Variants in MTMR7 observed in about 807,000 individuals in gnomAD.
The protein encoded by MTMR7 is myotubularin related protein 7, also known as phosphatidylinositol-3-phosphate phosphatase MTMR7.
MTMR7 carries 76 observed loss-of-function variants against 81.2 expected under a neutral mutation model. That is an observed-to-expected ratio of 0.94 (90% CI 0.78 to 1.13). The LOEUF (loss-of-function observed/expected upper bound fraction) is 1.13, where lower values mean the gene tolerates loss of function less well. MTMR7 is among the 50% of genes most tolerant of loss of function. The probability of loss-of-function intolerance (pLI) is 0.00; values close to 1 mark genes in which losing one functional copy is unlikely to be tolerated. For synonymous variants in MTMR7, 372 were observed against 289.8 expected (o/e 1.28, Z -2.88); for missense variants, 1,044 against 820.0 (o/e 1.27, Z -3.34).
In MTMR7 at chr8:17,298,901, A is replaced by C. The variant is rs188274439; in HGVS notation, c.*961T>G. The C allele has an allele frequency of 6.6e-6, 1 of 152,354 alleles. No homozygotes were observed. Among genetic ancestry groups the C allele is most frequent in the Admixed American group, 6.5e-5 (1 of 15,304 alleles). 9.4% of individuals were successfully genotyped at this position (152,354 alleles called of 1,614,324 possible). ...ATTAAACCATATTAGCCAGTTACATAATTTCTAAAATGATAGATTACAAAA... is the reference window on the plus strand; with the variant it reads ...ATTAAACCATATTAGCCAGTTACATCATTTCTAAAATGATAGATTACAAAA... On this transcript the variant is annotated 3_prime_UTR_variant, in exon 14 of 14. Coordinates refer to ENST00000180173, the MANE Select transcript of MTMR7 (RefSeq NM_004686.5).
At chr8:17,308,175 C>A (rs542848183) in intron 10 of MTMR7, among the ~76,000 whole-genome samples, 163 of 145,478 alleles carry the variant, frequency 1.1e-3, no homozygotes, top group Middle Eastern at 3.4e-3. Flanking sequence ...TACTGCAAAT[C>A]AAAAAAAAAA....
chr8:17,372,084 G>C (rs964287570), intron 2 of MTMR7, among the ~76,000 whole-genome samples: 2 of 151,932 alleles, frequency 1.3e-5, no homozygotes, highest in African/African-American at 2.4e-5. Context: ...CTAAAGAGGA[G>C]ATTAACTTTA....
chr8:17,302,036 T>C (rs1817150973), intron 13 of MTMR7, 118 bp downstream of exon 13: 10 of 1,358,252 alleles, frequency 7.4e-6, no homozygotes, highest in South Asian at 6.5e-5. Context: ...TTTCAGGTGT[T>C]CTACTGACTA....
chr8:17,387,555 A>C (rs922557379), intron 1 of MTMR7, among the ~76,000 whole-genome samples: 6 of 152,244 alleles, frequency 3.9e-5, no homozygotes, highest in Non-Finnish European at 8.8e-5. Flanking sequence ...TTGTAATTCT[A>C]AGCATGTCAG....
intron 7 of MTMR7, among the ~76,000 whole-genome samples, chr8:17,313,717 A>C (rs538695551): frequency 7.4e-4 from 112 of 152,330 alleles, no homozygotes; most frequent in African/African-American, 2.6e-3. Context: ...TTGCCTTTCC[A>C]GCAAAGTAAT....
At chr8:17,398,924 T>C (rs1009880355) in intron 1 of MTMR7, among the ~76,000 whole-genome samples, 1 of 152,146 alleles carries the variant, frequency 6.6e-6, no homozygotes, top group African/African-American at 2.4e-5. Flanking sequence ...TAATGGATGA[T>C]AGTATTTGCA....
intron 4 of MTMR7, among the ~76,000 whole-genome samples, chr8:17,351,166 G>T (rs1456684726): frequency 6.6e-6 from 1 of 152,182 alleles, no homozygotes; most frequent in Non-Finnish European, 1.5e-5. Context: ...GAAATGAGTA[G>T]GTTTTCAGCA....
chr8:17,342,417 G>C (rs1422804083), intron 5 of MTMR7, among the ~76,000 whole-genome samples: 1 of 152,194 alleles, frequency 6.6e-6, no homozygotes, highest in Admixed American at 6.5e-5. Flanking sequence ...ATATGGAGGG[G>C]AAAGTTTCAC....
At chr8:17,349,509 A>T (rs11203845) in intron 4 of MTMR7, 1 of 167,234 alleles carries the variant, frequency 6.0e-6, no homozygotes, top group East Asian at 1.5e-4. Flanking sequence ...CAGCAGGTTA[A>T]CTCTGTGGCT....
rs755341632 is a variant in MTMR7 at position 17,385,529 on chromosome 8, G to A, written c.25-12289C>T. Among the ~76,000 whole-genome samples the A allele has an allele frequency of 7.2e-5, 11 of 152,226 alleles. 1 individual carries two copies. The highest frequency in any genetic ancestry group is 3.9e-4 in the East Asian group (2 of 5,174). On this transcript the variant is annotated intron_variant, in intron 1 of 13. Coordinates refer to ENST00000180173, the MANE Select transcript of MTMR7 (RefSeq NM_004686.5). ...TAAGAAGTCTCTTTGCTCTGCCTTCGTCTTCCGCCACGATTGTGAGGCCTT... is the reference window on the plus strand; with the variant it reads ...TAAGAAGTCTCTTTGCTCTGCCTTCATCTTCCGCCACGATTGTGAGGCCTT...
intron 5 of MTMR7, among the ~76,000 whole-genome samples, chr8:17,348,546 T>C (rs1253577688): frequency 2.2e-5 from 1 of 46,360 alleles, no homozygotes; most frequent in Admixed American, 2.2e-4. Context: ...TGAGACTCTG[T>C]CTCAAAAAAA....
chr8:17,336,513 T>C (rs984433077), intron 6 of MTMR7, among the ~76,000 whole-genome samples: 13 of 151,956 alleles, frequency 8.6e-5, no homozygotes, highest in Non-Finnish European at 1.8e-4. Flanking sequence ...ACCACTGACT[T>C]TCCTAGGTGA....
chr8:17,319,466 C>T (rs988768725), intron 7 of MTMR7, among the ~76,000 whole-genome samples: 1 of 152,202 alleles, frequency 6.6e-6, no homozygotes, highest in Non-Finnish European at 1.5e-5. Context: ...AAGTGATCAA[C>T]AGCAGAAAGA....
chr8:17,302,107 C>T (rs1202707609), intron 13 of MTMR7, 47 bp downstream of exon 13: 1 of 1,612,662 alleles, frequency 6.2e-7, no homozygotes, highest in East Asian at 2.2e-5. Context: ...CCTTGCTCTT[C>T]AAGAAATAAG....
Position 17,408,395 on chromosome 8 carries a change from CAAAAAAAAA to C in MTMR7, c.24+4865_24+4873del, listed in dbSNP as rs530240881. Among the ~76,000 whole-genome samples the C allele has an allele frequency of 5.2e-3, 122 of 23,514 alleles. 13 individuals carry two copies. The highest frequency in any genetic ancestry group is 0.011 in the African/African-American group (114 of 10,662). 15.4% of individuals were successfully genotyped at this position (23,514 alleles called of 152,430 possible). A position where few individuals can be genotyped will look rare whatever the true frequency, so the allele number is the denominator to read the frequency against. On this transcript the variant is annotated intron_variant, in intron 1 of 13. Transcript: ENST00000180173. ...TGGGCGACAGAGCGAGACTCCGTCT[CAAAAAAAAA>C]AAAAAAAAAAAAAAGAACATCATGG... is the stretch of plus-strand genomic sequence containing the variant.
intron 6 of MTMR7, among the ~76,000 whole-genome samples, chr8:17,336,724 G>A (rs1042867647): frequency 2.0e-5 from 3 of 152,244 alleles, no homozygotes; most frequent in Admixed American, 1.3e-4. Flanking sequence ...CCTCGCCCTC[G>A]GCCCTTCTCT....
intron 4 of MTMR7, among the ~76,000 whole-genome samples, chr8:17,349,679 T>C (rs114421880): frequency 1.2e-4 from 18 of 152,340 alleles, no homozygotes; most frequent in African/African-American, 4.3e-4. Context: ...TTTCAGCCCA[T>C]GCAGATTTCC....
At chr8:17,375,702 T>C (rs1255515158) in intron 1 of MTMR7, among the ~76,000 whole-genome samples, 3 of 152,180 alleles carry the variant, frequency 2.0e-5, no homozygotes, top group African/African-American at 4.8e-5. Flanking sequence ...CTTACCAAAC[T>C]TTTAAAAATT....
chr8:17,413,239 C>G (rs369991745), intron 1 of MTMR7, 30 bp downstream of exon 1: 2 of 1,547,860 alleles, frequency 1.3e-6, no homozygotes, highest in Non-Finnish European at 1.7e-6. Context: ...CTCCTCCCGT[C>G]CCTCCTCCGC....
Sources: gnomAD v4.1 joint callset for allele counts (sites outside exome capture counted in the v4.1 genomes callset) on GRCh38, gnomAD v4.1.1 for gene constraint, MANE v1.5 for transcripts, NCBI Gene and HGNC (gene_info 2026-07-23, HGNC 2026-07-21) for gene names.